SDCCAG8: variants seen among roughly 807,000 people sequenced by gnomAD.
The protein encoded by SDCCAG8 is serologically defined colon cancer antigen 8.
In SDCCAG8, 74 loss-of-function variants were observed where a neutral mutation model predicts 101.8. The ratio of observed to expected loss-of-function variants is 0.73; its 90% CI spans 0.60 to 0.88. The LOEUF is 0.88. Ranked by LOEUF, SDCCAG8 falls within the 40% of genes least tolerant of loss-of-function variation. The pLI, the probability that SDCCAG8 is intolerant of heterozygous loss-of-function variation, is 0.00. For missense variants in SDCCAG8, 787 were observed against 822.6 expected, an observed-to-expected ratio of 0.96 and a Z score of 0.53; for synonymous variants, 281 against 292.9, an observed-to-expected ratio of 0.96 and a Z score of 0.41.
At chr1:243,393,762 GA>G (rs1287602049) in intron 13 of SDCCAG8, among the ~76,000 whole-genome samples, 3 of 152,222 alleles carry the variant, frequency 2.0e-5, no homozygotes, top group East Asian at 3.9e-4. Context: ...AATTAGAAAA[GA>G]TTTTTTTTAT....
intron 16 of SDCCAG8, among the ~76,000 whole-genome samples, chr1:243,437,444 G>T (rs1365648137): frequency 6.6e-6 from 1 of 152,044 alleles, no homozygotes; most frequent in East Asian, 1.9e-4. Context: ...CATCAGACTG[G>T]CATGTCACCC....
intron 4 of SDCCAG8, 96 bp downstream of exon 4, chr1:243,274,752 T>C (rs1403464647): frequency 1.4e-6 from 1 of 725,322 alleles, no homozygotes; most frequent in Non-Finnish European, 2.4e-6. Context: ...TTCATGTTTG[T>C]AGCAATACAT....
At chr1:243,411,606 C>T (rs1046855702) in intron 13 of SDCCAG8, among the ~76,000 whole-genome samples, 3 of 152,194 alleles carry the variant, frequency 2.0e-5, no homozygotes, top group African/African-American at 7.2e-5. Flanking sequence ...CCCTCTCCTA[C>T]TTCCAAATCC....
At chr1:243,313,465 A>G (rs1013682836) in intron 8 of SDCCAG8, among the ~76,000 whole-genome samples, 2 of 152,288 alleles carry the variant, frequency 1.3e-5, no homozygotes, top group South Asian at 4.1e-4. Context: ...TAAATATTAC[A>G]TGCTCATTAG....
chr1:243,497,146 G>A (rs187024888), intron 17 of SDCCAG8, among the ~76,000 whole-genome samples: 7 of 152,260 alleles, frequency 4.6e-5, no homozygotes, highest in African/African-American at 1.2e-4. Flanking sequence ...AATAAGCATC[G>A]TGGATATCCC....
chr1:243,470,481 CTT>C (rs374087282), intron 16 of SDCCAG8, among the ~76,000 whole-genome samples: 1 of 144,590 alleles, frequency 6.9e-6, no homozygotes. Context: ...TTTCCTTTTC[CTT>C]TTTTTTTTTT....
chr1:243,387,824 T>C (rs1466603872), intron 13 of SDCCAG8, among the ~76,000 whole-genome samples: 2 of 152,182 alleles, frequency 1.3e-5, no homozygotes, highest in African/African-American at 2.4e-5. Flanking sequence ...CAAGCAATTC[T>C]CGTGTCTCAC....
At chr1:243,404,371 A>G (rs1321688802) in intron 13 of SDCCAG8, among the ~76,000 whole-genome samples, 2 of 152,356 alleles carry the variant, frequency 1.3e-5, no homozygotes, top group African/African-American at 4.8e-5. Flanking sequence ...AGAAAGATCC[A>G]GCAGACACAG....
At chr1:243,472,842 C>G (rs1483223772) in intron 16 of SDCCAG8, among the ~76,000 whole-genome samples, 1 of 152,172 alleles carries the variant, frequency 6.6e-6, no homozygotes, top group South Asian at 2.1e-4. Flanking sequence ...CTATCTTAAA[C>G]AAGGTCATCT....
intron 1 of SDCCAG8, among the ~76,000 whole-genome samples, chr1:243,258,447 C>T (rs1201869847): frequency 6.6e-6 from 1 of 152,174 alleles, no homozygotes; most frequent in Non-Finnish European, 1.5e-5. Context: ...CTCTGTCATC[C>T]AGGCTGAAAT....
intron 6 of SDCCAG8, among the ~76,000 whole-genome samples, chr1:243,299,893 C>T (rs1473398607): frequency 2.8e-5 from 4 of 140,970 alleles, no homozygotes; most frequent in Admixed American, 7.1e-5. Context: ...GAGACGGAGT[C>T]TCACTCTGTT....
chr1:243,495,408 C>T (rs1346607887), intron 17 of SDCCAG8, among the ~76,000 whole-genome samples: 3 of 152,174 alleles, frequency 2.0e-5, no homozygotes, highest in Admixed American at 2.0e-4. Flanking sequence ...CCAAGCCCTG[C>T]GGTGGAAGGG....
At chr1:243,399,734 T>C (rs2079254384) in intron 13 of SDCCAG8, among the ~76,000 whole-genome samples, 1 of 152,168 alleles carries the variant, frequency 6.6e-6, no homozygotes, top group Non-Finnish European at 1.5e-5. Flanking sequence ...CTCAAGCTCC[T>C]GACTAGGCTC....
intron 1 of SDCCAG8, 32 bp from the exon 2 acceptor site, chr1:243,270,073 G>T (rs759869364): frequency 1.7e-5 from 28 of 1,614,020 alleles, no homozygotes; most frequent in Non-Finnish European, 2.2e-5. Context: ...CAGACTCCAT[G>T]GGTCCTAACT....
intron 12 of SDCCAG8, among the ~76,000 whole-genome samples, chr1:243,373,016 G>A (rs1049536261): frequency 6.6e-6 from 1 of 150,644 alleles, no homozygotes; most frequent in Non-Finnish European, 1.5e-5. Context: ...AAAATAAGAT[G>A]GAATAGGAAA....
At chr1:243,351,562 A>G (rs1202518857) in intron 12 of SDCCAG8, among the ~76,000 whole-genome samples, 2 of 152,228 alleles carry the variant, frequency 1.3e-5, no homozygotes, top group Non-Finnish European at 2.9e-5. Flanking sequence ...TTTTTATAGC[A>G]TCTTCTCTAA....
At chr1:243,418,597 C>T (rs1342299637) in intron 15 of SDCCAG8, among the ~76,000 whole-genome samples, 1 of 152,168 alleles carries the variant, frequency 6.6e-6, no homozygotes, top group Non-Finnish European at 1.5e-5. Flanking sequence ...CATTTTATAG[C>T]ATACTACTCT....
intron 4 of SDCCAG8, among the ~76,000 whole-genome samples, chr1:243,276,529 A>G (rs1030366423): frequency 2.0e-5 from 3 of 152,254 alleles, no homozygotes; most frequent in Non-Finnish European, 4.4e-5. Flanking sequence ...TGGCAAACAC[A>G]TAGAGTCCTG....
At chr1:243,438,516 TTGTGTGTG>T (rs147959124) in intron 16 of SDCCAG8, among the ~76,000 whole-genome samples, 250 of 146,514 alleles carry the variant, frequency 1.7e-3, no homozygotes, top group African/African-American at 5.8e-3. Flanking sequence ...GTGGGAGTGA[TTGTGTGTG>T]TGTGTGTGTG....
Sources: gnomAD v4.1 joint callset for allele counts (sites outside exome capture counted in the v4.1 genomes callset) on GRCh38, gnomAD v4.1.1 for gene constraint, MANE v1.5 for transcripts, NCBI Gene and HGNC (gene_info 2026-07-23, HGNC 2026-07-21) for gene names.